The following DPYSL3 variants were observed in gnomAD, a reference collection of about 807,000 sequenced individuals.
DPYSL3 encodes the protein dihydropyrimidinase like 3, also known as dihydropyrimidinase-related protein 3.
A neutral mutation model predicts 66.1 loss-of-function variants in DPYSL3; 16 were observed. The ratio of observed to expected loss-of-function variants is 0.24; its 90% CI spans 0.16 to 0.37. The LOEUF is 0.37. Among genes scored for constraint, DPYSL3 ranks in the 10% least tolerant of loss-of-function variants. DPYSL3 has a pLI of 1.00. For synonymous variants in DPYSL3, 338 were observed against 345.1 expected, an observed-to-expected ratio of 0.98 and a Z score of 0.23; for missense variants, 738 against 916.2, an observed-to-expected ratio of 0.81 and a Z score of 2.51.
intron 5 of DPYSL3, 85 bp downstream of exon 5, chr5:147,413,511 G>T: frequency 1.9e-6 from 2 of 1,068,662 alleles, no homozygotes; most frequent in Non-Finnish European, 2.9e-6. Context: ...TGACCACAGT[G>T]ATTCATGTTA....
In DPYSL3 at chr5:147,393,970, G is replaced by T. The variant is rs921121964; in HGVS notation, c.*65C>A. On this transcript the variant is annotated 3_prime_UTR_variant, in exon 14 of 14. Coordinates refer to ENST00000343218, the MANE Select transcript of DPYSL3 (RefSeq NM_001197294.2). ...GATTCGCTTTCCTTCTTAAATATCG[G>T]TGTACCATTTTGGCTTCAAAACAAT... is the stretch of plus-strand genomic sequence containing the variant. 6.7e-7 allele frequency: 1 copy of T among 1,497,210 alleles called. No homozygotes were observed. Among genetic ancestry groups the T allele is most frequent in the African/African-American group, 1.4e-5 (1 of 72,362 alleles). The allele number at this position is 1,497,210 out of a possible 1,614,324, so 92.7% of individuals were successfully genotyped here. A position where few individuals can be genotyped will look rare whatever the true frequency, so the allele number is the denominator to read the frequency against.
At chr5:147,427,028 C>T (rs974325050) in intron 1 of DPYSL3, among the ~76,000 whole-genome samples, 6 of 152,130 alleles carry the variant, frequency 3.9e-5, no homozygotes, top group Non-Finnish European at 7.3e-5. Flanking sequence ...TCATGTGTGG[C>T]CTATATTTTA....
Position 147,416,455 on chromosome 5 carries a change from T to C in DPYSL3, c.656-582A>G, listed in dbSNP as rs376012520. On this transcript the variant is annotated intron_variant, in intron 3 of 13. Coordinates refer to ENST00000343218, the MANE Select transcript of DPYSL3 (RefSeq NM_001197294.2). ...CAGATCTTATTTCCATGGAAACTTCTTGTCAAGAATCTGGTTTCTTTGAGG... is the reference window on the plus strand; with the variant it reads ...CAGATCTTATTTCCATGGAAACTTCCTGTCAAGAATCTGGTTTCTTTGAGG... Among the ~76,000 whole-genome samples the C allele has an allele frequency of 1.4e-4, 22 of 152,316 alleles. 1 individual carries two copies. The South Asian group carries it at 4.2e-3, about 29-fold the overall frequency.
intron 1 of DPYSL3, among the ~76,000 whole-genome samples, chr5:147,456,337 TGGCTTTAG>T (rs1409557184): frequency 6.6e-6 from 1 of 152,158 alleles, no homozygotes; most frequent in Non-Finnish European, 1.5e-5. Context: ...CAGCAGTGCT[TGGCTTTAG>T]GTATCTCAGT....
At chr5:147,505,089 T>C (rs1330064703) in intron 1 of DPYSL3, among the ~76,000 whole-genome samples, 1 of 152,190 alleles carries the variant, frequency 6.6e-6, no homozygotes, top group Admixed American at 6.5e-5. Context: ...TAGAGGATTT[T>C]AGTAACATGA....
chr5:147,422,617 A>G (rs1752103827), intron 2 of DPYSL3, among the ~76,000 whole-genome samples: 1 of 152,202 alleles, frequency 6.6e-6, no homozygotes, highest in South Asian at 2.1e-4. Context: ...CCCATTGATG[A>G]CAGACTGGAT....
Position 147,509,959 on chromosome 5 carries a change from G to A in DPYSL3, c.-101C>T, listed in dbSNP as rs1001359481. On this transcript the variant is annotated 5_prime_UTR_variant, in exon 1 of 14. Transcript: ENST00000343218. This position sits in a 1 kb window ranked among gnomAD's most constrained non-coding sequence, Gnocchi z 5.3. ...AGCCACAGTGACTGTGGCGGGAGGAGGCGCCTGAGCCTTCGCGCCAGAGGC... is the reference window on the plus strand; with the variant it reads ...AGCCACAGTGACTGTGGCGGGAGGAAGCGCCTGAGCCTTCGCGCCAGAGGC... 3.8e-5 allele frequency: 55 copies of A among 1,429,990 alleles called. No homozygotes were observed. In the African/African-American group the frequency reaches 6.5e-4, roughly 17 times the overall value. 88.6% of individuals were successfully genotyped at this position (1,429,990 alleles called of 1,614,324 possible). A position where few individuals can be genotyped will look rare whatever the true frequency, so the allele number is the denominator to read the frequency against.
intron 1 of DPYSL3, among the ~76,000 whole-genome samples, chr5:147,442,086 C>T (rs1005744820): frequency 6.6e-6 from 1 of 152,190 alleles, no homozygotes; most frequent in African/African-American, 2.4e-5. Context: ...AGATTTGAGG[C>T]ACAGATTCGC....
In DPYSL3 at chr5:147,509,236, C is replaced by G. The variant is rs753358469; in HGVS notation, c.381+242G>C. On this transcript the variant is annotated intron_variant, in intron 1 of 13. Transcript: ENST00000343218. This position sits in a 1 kb window ranked among gnomAD's most constrained non-coding sequence, Gnocchi z 5.3. ...GGAGGCAGGGGCAAAGGACGCGGCT[C>G]CAGGCAGGGGAACCCGGGCATCCCT... Among the ~76,000 whole-genome samples, 1 of 152,132 alleles carries G rather than the reference C, an allele frequency of 6.6e-6. No homozygotes were observed. The highest frequency in any genetic ancestry group is 1.5e-5 in the Non-Finnish European group (1 of 68,020).
rs745744776 is a variant in DPYSL3, at chr5:147,401,496, G to A, written c.1310+44C>T. The A allele has an allele frequency of 1.2e-5, 19 of 1,569,780 alleles. No individual in the cohort carries two copies. The African/African-American group carries it at 2.2e-4, about 18-fold the overall frequency. ...CCTCAACCCCCAGCTGGACTCAAGA[G>A]ATGTTTTCACAAAACGCCTGCTGCT... On this transcript the variant is annotated intron_variant, in intron 9 of 13. Transcript: ENST00000343218.
chr5:147,465,755 GA>G (rs1411823732), intron 1 of DPYSL3, among the ~76,000 whole-genome samples: 2 of 152,116 alleles, frequency 1.3e-5, no homozygotes, highest in Admixed American at 6.5e-5. Flanking sequence ...CAAAAAAGGG[GA>G]AGAATTCTAA....
At chr5:147,420,450 T>A (rs956390998) in intron 2 of DPYSL3, among the ~76,000 whole-genome samples, 1 of 152,186 alleles carries the variant, frequency 6.6e-6, no homozygotes, top group Non-Finnish European at 1.5e-5. Flanking sequence ...GTCCTTTGCA[T>A]ATATACAGAT....
chr5:147,400,650 T>G, intron 10 of DPYSL3, 42 bp downstream of exon 10: 1 of 1,604,136 alleles, frequency 6.2e-7, no homozygotes, highest in Non-Finnish European at 8.5e-7. Context: ...GGCCCATGGA[T>G]GTTTTGGCTC....
At chr5:147,498,886 A>G (rs1460949842) in intron 1 of DPYSL3, among the ~76,000 whole-genome samples, 1 of 152,018 alleles carries the variant, frequency 6.6e-6, no homozygotes, top group African/African-American at 2.4e-5. Context: ...GTTTCCTCTG[A>G]TAATAGTTTC....
chr5:147,415,792 C>A lies in DPYSL3; in HGVS notation c.737G>T (p.Cys246Phe). The change falls in exon 4 of 14, where the codon TGC (cysteine) becomes TTC (phenylalanine). Residue 246 changes from cysteine to phenylalanine, a missense_variant. By Grantham distance (205) the Cys-to-Phe change is radical. Transcript: ENST00000343218. The stretch of plus-strand genomic sequence containing the variant: ...GTCCACATGCAGGGCATAGTCACAG[C>A]AACTCTTCCCATCAGCCCACTCTCT... ...KWREWADGKSCCDYALHVDIT... is the reference protein window; with the variant it reads ...KWREWADGKSFCDYALHVDIT... 1.2e-6 allele frequency: 2 copies of A among 1,614,106 alleles called. No individual in the cohort carries two copies. Among genetic ancestry groups the A allele is most frequent in the South Asian group, 1.1e-5 (1 of 91,074 alleles).
At chr5:147,427,067 A>C (rs1404205428) in intron 1 of DPYSL3, among the ~76,000 whole-genome samples, 1 of 152,146 alleles carries the variant, frequency 6.6e-6, no homozygotes, top group Non-Finnish European at 1.5e-5. Flanking sequence ...TTCTTGTCAC[A>C]TTATCAGGCT....
intron 1 of DPYSL3, among the ~76,000 whole-genome samples, chr5:147,469,964 C>G (rs966552540): frequency 2.6e-5 from 4 of 152,238 alleles, no homozygotes; most frequent in South Asian, 2.1e-4. Context: ...GCAGAAGGCT[C>G]TCAGTTGTCA....
rs1408242708 is a variant in DPYSL3 at position 147,393,770 on chromosome 5, T to C, written c.*265A>G. The stretch of plus-strand genomic sequence containing the variant: ...CAACACTATGATAGAGCAGACTCTT[T>C]TACCTTAGTGGCCTGTCTGATTGCA... On this transcript the variant is annotated 3_prime_UTR_variant, in exon 14 of 14. Coordinates refer to ENST00000343218, the MANE Select transcript of DPYSL3 (RefSeq NM_001197294.2). 1 of 474,086 alleles carries C rather than the reference T, an allele frequency of 2.1e-6. No individual in the cohort carries two copies. The highest frequency in any genetic ancestry group is 2.0e-5 in the African/African-American group (1 of 51,026). The allele number at this position is 474,086 out of a possible 1,614,324, so 29.4% of individuals were successfully genotyped here.
intron 7 of DPYSL3, among the ~76,000 whole-genome samples, chr5:147,408,197 G>A (rs1398103480): frequency 6.6e-6 from 1 of 152,158 alleles, no homozygotes. Context: ...GTGCCAGTAG[G>A]TGAAGCTGCT....
Sources: allele counts gnomAD v4.1 joint callset (sites outside exome capture counted in the v4.1 genomes callset), GRCh38; gene constraint gnomAD v4.1.1; non-coding constraint Gnocchi (gnomAD v3.1); transcripts MANE v1.5; gene names NCBI Gene and HGNC (gene_info 2026-07-23, HGNC 2026-07-21).